The following EDA variants were observed in gnomAD, a reference collection of about 807,000 sequenced individuals.
EDA encodes the protein ectodysplasin-A.
EDA carries 2 observed loss-of-function variants against 23.6 expected under a neutral mutation model. The ratio of observed to expected loss-of-function variants is 0.08; its 90% confidence interval spans 0.03 to 0.27. EDA has a LOEUF of 0.27. Among genes scored for constraint, EDA ranks in the 10% least tolerant of loss-of-function variants. The probability of loss-of-function intolerance (pLI) is 1.00; values close to 1 mark genes in which losing one functional copy is unlikely to be tolerated. For synonymous variants in EDA, 131 were observed against 132.0 expected (o/e 0.99, Z 0.05); for missense variants, 229 against 324.2 (o/e 0.71, Z 2.26).
intron 1 of EDA, among the ~76,000 whole-genome samples, chrX:69,782,382 A>AAAAAAAAC (rs2014977531): frequency 2.8e-5 from 3 of 106,468 alleles, no homozygotes; most frequent in African/African-American, 1.1e-4. Context: ...AAAAAAAAAA[A>AAAAAAAAC]AAAAAAAAAA....
intron 1 of EDA, among the ~76,000 whole-genome samples, chrX:69,630,917 GT>G (rs757777599): frequency 1.8e-5 from 2 of 111,445 alleles, no homozygotes; most frequent in Non-Finnish European, 3.8e-5. Context: ...AGTAGTACTG[GT>G]CCCAGGTCTG....
At chrX:70,008,419 T>A (rs1486252056) in intron 2 of EDA, among the ~76,000 whole-genome samples, 6 of 112,509 alleles carry the variant, frequency 5.3e-5, no homozygotes, top group Non-Finnish European at 1.1e-4. Context: ...ATGATTCTTC[T>A]TTAACCTTTT....
Position 69,886,865 on chromosome X carries a change from G to A in EDA, c.397-70162G>A, listed in dbSNP as rs1012763016. Among the ~76,000 whole-genome samples the A allele has an allele frequency of 2.7e-5, 3 of 111,749 alleles. No individual in the cohort carries two copies. The East Asian group carries it at 8.4e-4, about 31-fold the overall frequency. ...CAACCCAAGAACCTAACAGAAGAAG[G>A]CCTTAACTTACCAAAATCAGTCTGC... On this transcript the variant is annotated intron_variant, in intron 1 of 7. Coordinates refer to ENST00000374552, the MANE Select transcript of EDA (RefSeq NM_001399.5).
At chrX:69,825,181 C>T (rs1186596453) in intron 1 of EDA, among the ~76,000 whole-genome samples, 1 of 100,075 alleles carries the variant, frequency 1.0e-5, no homozygotes, top group Non-Finnish European at 2.0e-5. Context: ...TGTCTCTGCC[C>T]GGCTTTGGTA....
At chrX:69,661,408 T>A (rs1401385478) in intron 1 of EDA, among the ~76,000 whole-genome samples, 15 of 105,489 alleles carry the variant, frequency 1.4e-4, no homozygotes, top group Non-Finnish European at 2.7e-4. Flanking sequence ...GTTTTAGACA[T>A]GAAGTCCTTG....
At chrX:69,973,134 C>A (rs2019271197) in intron 2 of EDA, among the ~76,000 whole-genome samples, 1 of 111,251 alleles carries the variant, frequency 9.0e-6, no homozygotes, top group Non-Finnish European at 1.9e-5. Context: ...TCCTCCACCC[C>A]CAGATAATGT....
intron 1 of EDA, among the ~76,000 whole-genome samples, chrX:69,671,168 G>A (rs1199533395): frequency 9.0e-6 from 1 of 111,570 alleles, no homozygotes; most frequent in Non-Finnish European, 1.9e-5. Flanking sequence ...TAGTCTTTGT[G>A]CAGCTTATTT....
At chrX:69,913,517 AG>A (rs1234956871) in intron 1 of EDA, among the ~76,000 whole-genome samples, 2 of 112,641 alleles carry the variant, frequency 1.8e-5, no homozygotes, top group African/African-American at 6.4e-5. Context: ...GCTCTGGATT[AG>A]GCTTTGGCTT....
At chrX:69,825,581 TTC>T (rs1353785669) in intron 1 of EDA, among the ~76,000 whole-genome samples, 2 of 112,715 alleles carry the variant, frequency 1.8e-5, no homozygotes, top group African/African-American at 3.2e-5. Flanking sequence ...TATTTGATTC[TTC>T]TCTCTTTTTC....
intron 1 of EDA, among the ~76,000 whole-genome samples, chrX:69,950,118 C>T (rs2018893088): frequency 1.2e-5 from 1 of 81,109 alleles, no homozygotes; most frequent in Non-Finnish European, 2.4e-5. Flanking sequence ...AGAGCTTCTG[C>T]ACAGCAAAAG....
At chrX:69,806,447 T>C (rs1297250996) in intron 1 of EDA, among the ~76,000 whole-genome samples, 2 of 110,941 alleles carry the variant, frequency 1.8e-5, no homozygotes, top group Non-Finnish European at 3.8e-5. Context: ...TGGCAGTACA[T>C]ATTTATCTAA....
In EDA at chrX:69,734,901, G is replaced by T. The variant is rs60344769; in HGVS notation, c.396+118197G>T. Among the ~76,000 whole-genome samples, 307 of 111,261 alleles carry T rather than the reference G, an allele frequency of 2.8e-3. 1 individual carries two copies. The highest frequency in any genetic ancestry group is 9.6e-3 in the African/African-American group (293 of 30,659). On this transcript the variant is annotated intron_variant, in intron 1 of 7. Coordinates refer to ENST00000374552, the MANE Select transcript of EDA (RefSeq NM_001399.5). Reference sequence around the variant, plus strand: ...TGTTGGTGAGGATGTGGAGGAATTGGAACCCTTCTGCATTGTTGGTAGGAT... The same window carrying T: ...TGTTGGTGAGGATGTGGAGGAATTGTAACCCTTCTGCATTGTTGGTAGGAT...
chrX:69,717,056 A>T (rs1396654485), intron 1 of EDA, among the ~76,000 whole-genome samples: 1 of 110,777 alleles, frequency 9.0e-6, no homozygotes, highest in Non-Finnish European at 1.9e-5. Context: ...GATGCCCTTT[A>T]TTTCTGTCTC....
chrX:70,033,323 ACTC>A, intron 6 of EDA, 72 bp from the exon 7 acceptor site: 1 of 1,191,310 alleles, frequency 8.4e-7, no homozygotes, highest in Non-Finnish European at 1.1e-6. Flanking sequence ...GGGGTTGTGA[ACTC>A]CTTGGTATTT....
At chrX:69,657,150 C>T (rs1292373473) in intron 1 of EDA, among the ~76,000 whole-genome samples, 2 of 111,987 alleles carry the variant, frequency 1.8e-5, no homozygotes, top group Admixed American at 9.5e-5. Flanking sequence ...TCTGCAATCT[C>T]ACCAACATGT....
At chrX:69,710,448 C>A (rs1322605633) in intron 1 of EDA, among the ~76,000 whole-genome samples, 1 of 111,308 alleles carries the variant, frequency 9.0e-6, no homozygotes, top group Non-Finnish European at 1.9e-5. Flanking sequence ...CAGCTTTGTT[C>A]TTTTGGCGTA....
chrX:69,998,606 G>A, intron 2 of EDA, among the ~76,000 whole-genome samples: 1 of 111,762 alleles, frequency 8.9e-6, no homozygotes, highest in Non-Finnish European at 1.9e-5. Context: ...GGAGGGATCA[G>A]GGGCAGAATG....
intron 1 of EDA, among the ~76,000 whole-genome samples, chrX:69,872,656 A>T (rs1028944218): frequency 8.9e-6 from 1 of 111,913 alleles, no homozygotes; most frequent in African/African-American, 3.2e-5. Flanking sequence ...AGACAGAGCA[A>T]CATTATATTA....
At chrX:69,890,375 A>G (rs762868015) in intron 1 of EDA, among the ~76,000 whole-genome samples, 4 of 110,702 alleles carry the variant, frequency 3.6e-5, no homozygotes, top group Non-Finnish European at 7.6e-5. Context: ...AGAAAAAACT[A>G]TTTTAAAATT....
Sources: gnomAD v4.1 joint callset for allele counts (sites outside exome capture counted in the v4.1 genomes callset) on GRCh38, gnomAD v4.1.1 for gene constraint, MANE v1.5 for transcripts, NCBI Gene and HGNC (gene_info 2026-07-23, HGNC 2026-07-21) for gene names.